Variants in SLC22A23 observed in about 807,000 individuals in gnomAD.
The protein encoded by SLC22A23 is solute carrier family 22 member 23.
Under a neutral mutation model 61.0 loss-of-function variants are expected in SLC22A23, and 26 were observed. The ratio of observed to expected loss-of-function variants is 0.43; its 90% CI spans 0.31 to 0.59. The LOEUF is 0.59. Ranked by LOEUF, SLC22A23 falls within the 20% of genes least tolerant of loss-of-function variation. The probability of loss-of-function intolerance (pLI) is 0.11; values close to 1 mark genes in which losing one functional copy is unlikely to be tolerated. For synonymous variants in SLC22A23, 430 were observed against 413.9 expected (o/e 1.04, Z -0.47); for missense variants, 796 against 934.7 (o/e 0.85, Z 1.94).
In SLC22A23 at chr6:3,441,837, T is replaced by C. The variant is rs146145788; in HGVS notation, c.654+14069A>G. On this transcript the variant is annotated intron_variant, in intron 1 of 9. Coordinates refer to ENST00000406686, the MANE Select transcript of SLC22A23 (RefSeq NM_015482.2). ...CAGGGCAGACACGATCTTCTACCCATCTGTGACACCAGCCCAGGGCAGATG... is the reference window on the plus strand; with the variant it reads ...CAGGGCAGACACGATCTTCTACCCACCTGTGACACCAGCCCAGGGCAGATG... 1.3e-3 allele frequency among the ~76,000 whole-genome samples: 196 copies of C among 152,174 alleles called. 1 individual carries two copies. The highest frequency in any genetic ancestry group is 6.8e-3 in the Middle Eastern group (2 of 294).
At chr6:3,420,842 C>A (rs991967163) in intron 1 of SLC22A23, among the ~76,000 whole-genome samples, 15 of 152,112 alleles carry the variant, frequency 9.9e-5, no homozygotes, top group African/African-American at 3.4e-4. Flanking sequence ...CAGTGGCCCA[C>A]GCATATAATC....
At chr6:3,408,628 C>T (rs1303100103) in intron 3 of SLC22A23, among the ~76,000 whole-genome samples, 4 of 152,222 alleles carry the variant, frequency 2.6e-5, no homozygotes, top group African/African-American at 9.7e-5. Flanking sequence ...CTGGCAGCTT[C>T]AGCCAGTCAT....
chr6:3,385,750 G>A (rs1767259241), intron 3 of SLC22A23, among the ~76,000 whole-genome samples: 1 of 152,172 alleles, frequency 6.6e-6, no homozygotes, highest in African/African-American at 2.4e-5. Flanking sequence ...AGCCACTCCT[G>A]ACCAGGGCTG....
At chr6:3,426,287 G>A (rs1442184741) in intron 1 of SLC22A23, among the ~76,000 whole-genome samples, 1 of 152,184 alleles carries the variant, frequency 6.6e-6, no homozygotes, top group East Asian at 1.9e-4. Flanking sequence ...GCAGAGCCCA[G>A]GTTTCCTTGG....
At chr6:3,312,827 A>G (rs1186988001) in intron 4 of SLC22A23, 1 of 152,330 alleles carries the variant, frequency 6.6e-6, no homozygotes, top group Non-Finnish European at 1.5e-5. Flanking sequence ...CAAAGTGCAC[A>G]CACGTGCACA....
rs545292024 is a variant in SLC22A23, at chr6:3,324,745, C to T, written c.914-743G>A. ...CTCTGTCTCTATTGGACACCACCCC[C>T]GGGCAAGGCCCATGTCTAATTCATC... On this transcript the variant is annotated intron_variant, in intron 3 of 9. Coordinates refer to ENST00000406686, the MANE Select transcript of SLC22A23 (RefSeq NM_015482.2). The surrounding 1 kb of genome is among the most constrained non-coding windows in gnomAD (Gnocchi z 4.3). 5.3e-5 allele frequency among the ~76,000 whole-genome samples: 8 copies of T among 152,238 alleles called. No individual in the cohort carries two copies. Among genetic ancestry groups the T allele is most frequent in the Non-Finnish European group, 8.8e-5 (6 of 68,040 alleles).
intron 4 of SLC22A23, among the ~76,000 whole-genome samples, chr6:3,301,807 G>T (rs1386434903): frequency 6.6e-6 from 1 of 152,220 alleles, no homozygotes; most frequent in Non-Finnish European, 1.5e-5. Context: ...TTACCCACAG[G>T]GTGGGGAGAA....
chr6:3,306,052 A>G (rs1237582204), intron 4 of SLC22A23, among the ~76,000 whole-genome samples: 1 of 152,216 alleles, frequency 6.6e-6, no homozygotes, highest in Non-Finnish European at 1.5e-5. Flanking sequence ...CATGGCACCA[A>G]CATCTGCTCT....
intron 4 of SLC22A23, among the ~76,000 whole-genome samples, chr6:3,299,097 C>T (rs960221039): frequency 6.6e-6 from 1 of 152,058 alleles, no homozygotes; most frequent in African/African-American, 2.4e-5. Context: ...CACTGTGTAC[C>T]CCATAAATAT....
Position 3,414,366 on chromosome 6 carries a change from A to C in SLC22A23, c.758+1386T>G, listed in dbSNP as rs1046235826. Among the ~76,000 whole-genome samples, 4 of 152,164 alleles carry C rather than the reference A, an allele frequency of 2.6e-5. No individual in the cohort carries two copies. Among genetic ancestry groups the C allele is most frequent in the African/African-American group, 7.2e-5 (3 of 41,428 alleles). On this transcript the variant is annotated intron_variant, in intron 2 of 9. Coordinates refer to ENST00000406686, the MANE Select transcript of SLC22A23 (RefSeq NM_015482.2). This position sits in a 1 kb window ranked among gnomAD's most constrained non-coding sequence, Gnocchi z 5.1. Reference sequence around the variant, plus strand: ...AAAAAATAAACCCTGTGTTGCCTCTACCAAAGAAAGCCCCCAAGAGGTCCC... The same window carrying C: ...AAAAAATAAACCCTGTGTTGCCTCTCCCAAAGAAAGCCCCCAAGAGGTCCC...
intron 1 of SLC22A23, among the ~76,000 whole-genome samples, chr6:3,448,298 G>C (rs770874700): frequency 2.6e-5 from 4 of 152,118 alleles, no homozygotes; most frequent in African/African-American, 9.7e-5. Flanking sequence ...GATCTCCACT[G>C]TTTGCCAATT....
chr6:3,408,688 T>C (rs951572180), intron 3 of SLC22A23, among the ~76,000 whole-genome samples: 1 of 152,212 alleles, frequency 6.6e-6, no homozygotes, highest in African/African-American at 2.4e-5. Context: ...TGCGGTAAGG[T>C]AATTTTCCAT....
At chr6:3,373,158 G>T (rs570276615) in intron 3 of SLC22A23, among the ~76,000 whole-genome samples, 1 of 152,328 alleles carries the variant, frequency 6.6e-6, no homozygotes, top group Non-Finnish European at 1.5e-5. Flanking sequence ...CATGCACCAG[G>T]CAGCCTGTGC....
At chr6:3,283,087 C>T (rs558136865) in intron 9 of SLC22A23, among the ~76,000 whole-genome samples, 122 of 152,322 alleles carry the variant, frequency 8.0e-4, no homozygotes, top group Non-Finnish European at 1.4e-3. Context: ...TAATCTCACT[C>T]GCTGTGCTCG....
rs1762690782 is a variant in SLC22A23 at position 3,317,148 on chromosome 6, G to A, written c.1082+6686C>T. On this transcript the variant is annotated intron_variant, in intron 4 of 9. Transcript: ENST00000406686. This position sits in a 1 kb window ranked among gnomAD's most constrained non-coding sequence, Gnocchi z 4.4. ...TCCTCAATAGTGAATTCCCGCGCAGGAAACTTGATGTCACCCTGTCCCACG... is the reference window on the plus strand; with the variant it reads ...TCCTCAATAGTGAATTCCCGCGCAGAAAACTTGATGTCACCCTGTCCCACG... 6.6e-6 allele frequency among the ~76,000 whole-genome samples: 1 copy of A among 152,142 alleles called. No individual in the cohort carries two copies. The highest frequency in any genetic ancestry group is 2.4e-5 in the African/African-American group (1 of 41,420).
chr6:3,284,030 G>A, intron 8 of SLC22A23, 55 bp from the exon 9 acceptor site: 1 of 1,547,030 alleles, frequency 6.5e-7, no homozygotes, highest in Non-Finnish European at 8.8e-7. Context: ...AGGCCAGGGT[G>A]GGAGGGAGGC....
At chr6:3,452,660 T>A (rs575057954) in intron 1 of SLC22A23, among the ~76,000 whole-genome samples, 2 of 141,892 alleles carry the variant, frequency 1.4e-5, no homozygotes, top group South Asian at 4.6e-4. Flanking sequence ...GACCTTGGGT[T>A]ATTATTCTTA....
At chr6:3,340,816 G>A (rs1021460320) in intron 3 of SLC22A23, among the ~76,000 whole-genome samples, 1 of 152,310 alleles carries the variant, frequency 6.6e-6, no homozygotes, top group Admixed American at 6.5e-5. Context: ...TGTCTGGAAA[G>A]GATACATTTA....
intron 3 of SLC22A23, among the ~76,000 whole-genome samples, chr6:3,340,758 T>C (rs1442144266): frequency 3.3e-5 from 5 of 152,128 alleles, no homozygotes; most frequent in African/African-American, 1.2e-4. Flanking sequence ...GCTAGAGACA[T>C]GAGAACCGAG....
Sources: gnomAD v4.1 joint callset for allele counts (sites outside exome capture counted in the v4.1 genomes callset) on GRCh38, gnomAD v4.1.1 for gene constraint, Gnocchi (gnomAD v3.1) non-coding constraint, MANE v1.5 for transcripts, NCBI Gene and HGNC (gene_info 2026-07-23, HGNC 2026-07-21) for gene names.